CNTN4: variants seen among roughly 807,000 people sequenced by gnomAD.
The protein encoded by CNTN4 is contactin 4, also known as contactin-4.
A neutral mutation model predicts 122.5 loss-of-function variants in CNTN4; 77 were observed. The observed-to-expected ratio is 0.63, with a 90% CI of 0.52 to 0.76. The LOEUF is 0.76. Among genes scored for constraint, CNTN4 ranks in the 30% least tolerant of loss-of-function variants. The pLI is 0.00. For synonymous variants in CNTN4, 512 were observed against 447.0 expected (o/e 1.15, Z -1.83); for missense variants, 1,256 against 1,259.1 (o/e 1.00, Z 0.04).
At chr3:2,347,954 T>C (rs923662701) in intron 3 of CNTN4, among the ~76,000 whole-genome samples, 4 of 152,150 alleles carry the variant, frequency 2.6e-5, no homozygotes, top group Non-Finnish European at 5.9e-5. Flanking sequence ...TCATTAATCT[T>C]TTATTATTTT....
intron 4 of CNTN4, among the ~76,000 whole-genome samples, chr3:2,602,531 A>G (rs1006038019): frequency 1.3e-5 from 2 of 152,304 alleles, no homozygotes; most frequent in South Asian, 2.1e-4. Flanking sequence ...CCAACTTACA[A>G]GGGATGTGAA....
At chr3:2,826,356 C>G (rs2150331211) in intron 7 of CNTN4, among the ~76,000 whole-genome samples, 1 of 152,272 alleles carries the variant, frequency 6.6e-6, no homozygotes, top group South Asian at 2.1e-4. Flanking sequence ...AGCAAAACGT[C>G]TCTATATGCA....
At chr3:2,294,048 T>G (rs2042220878) in intron 2 of CNTN4, among the ~76,000 whole-genome samples, 1 of 152,208 alleles carries the variant, frequency 6.6e-6, no homozygotes, top group Admixed American at 6.5e-5. Context: ...CCATACATCT[T>G]ATCAGCCAGC....
intron 3 of CNTN4, among the ~76,000 whole-genome samples, chr3:2,542,896 C>T (rs1410751348): frequency 1.3e-5 from 2 of 152,066 alleles, no homozygotes; most frequent in Non-Finnish European, 2.9e-5. Flanking sequence ...ACTGATCATG[C>T]TTACGTTGTA....
intron 9 of CNTN4, among the ~76,000 whole-genome samples, chr3:2,886,005 C>T (rs886780598): frequency 1.2e-4 from 18 of 152,082 alleles, no homozygotes; most frequent in African/African-American, 2.4e-5. Flanking sequence ...CTGCCAGTTT[C>T]TTAACACCTG....
At chr3:2,455,317 C>T (rs945380682) in intron 3 of CNTN4, among the ~76,000 whole-genome samples, 1 of 152,024 alleles carries the variant, frequency 6.6e-6, no homozygotes, top group Admixed American at 6.6e-5. Context: ...CTGAAGGCTA[C>T]GACAAGTGTA....
At chr3:2,112,465 G>A (rs1298344762) in intron 2 of CNTN4, among the ~76,000 whole-genome samples, 1 of 152,140 alleles carries the variant, frequency 6.6e-6, no homozygotes, top group Non-Finnish European at 1.5e-5. Flanking sequence ...TAACATGCAT[G>A]TAAAAGGAGT....
chr3:2,943,614 A>T (rs151126924), intron 13 of CNTN4, among the ~76,000 whole-genome samples: 68 of 79,780 alleles, frequency 8.5e-4, no homozygotes, highest in Middle Eastern at 7.9e-3. Flanking sequence ...AAATATATTT[A>T]TATATATATA....
intron 2 of CNTN4, among the ~76,000 whole-genome samples, chr3:2,323,849 T>C (rs1209235131): frequency 6.6e-6 from 1 of 152,210 alleles, no homozygotes; most frequent in Non-Finnish European, 1.5e-5. Context: ...AGTTTAGTAC[T>C]GGGCTCTATA....
At chr3:2,945,793 A>C (rs1355294945) in intron 13 of CNTN4, among the ~76,000 whole-genome samples, 1 of 152,230 alleles carries the variant, frequency 6.6e-6, no homozygotes, top group Non-Finnish European at 1.5e-5. Context: ...AAGTTAGTAC[A>C]TGGCCATTGC....
intron 2 of CNTN4, among the ~76,000 whole-genome samples, chr3:2,187,843 A>T (rs2037347704): frequency 6.6e-6 from 1 of 152,124 alleles, no homozygotes; most frequent in Non-Finnish European, 1.5e-5. Flanking sequence ...TGCCTCTGAA[A>T]CATGGGTTTC....
At chr3:2,794,766 C>T (rs2092118376) in intron 6 of CNTN4, among the ~76,000 whole-genome samples, 1 of 152,160 alleles carries the variant, frequency 6.6e-6, no homozygotes, top group Non-Finnish European at 1.5e-5. Context: ...GTTATGGAGC[C>T]TGGGAAGTAC....
intron 4 of CNTN4, among the ~76,000 whole-genome samples, chr3:2,657,223 C>T (rs1576362128): frequency 6.6e-6 from 1 of 152,162 alleles, no homozygotes; most frequent in East Asian, 1.9e-4. Context: ...ATAAAAATGA[C>T]CTCTAGCTTC....
intron 7 of CNTN4, among the ~76,000 whole-genome samples, chr3:2,846,460 C>G (rs2093457716): frequency 1.3e-5 from 2 of 152,172 alleles, no homozygotes; most frequent in South Asian, 4.1e-4. Context: ...GATGGTGAGT[C>G]AATTAAACCT....
At chr3:2,281,544 T>A (rs1575254580) in intron 2 of CNTN4, among the ~76,000 whole-genome samples, 1 of 152,084 alleles carries the variant, frequency 6.6e-6, no homozygotes, top group Non-Finnish European at 1.5e-5. Context: ...CCTAAAGGAA[T>A]ACAGCAATTT....
chr3:2,885,954 C>A (rs1261433369), intron 9 of CNTN4, among the ~76,000 whole-genome samples: 3 of 152,114 alleles, frequency 2.0e-5, no homozygotes, highest in Admixed American at 2.0e-4. Context: ...TCACTCTTCT[C>A]GTAGGACAGC....
chr3:2,191,781 G>GC (rs1290003427), intron 2 of CNTN4, among the ~76,000 whole-genome samples: 2 of 151,888 alleles, frequency 1.3e-5, no homozygotes, highest in Non-Finnish European at 2.9e-5. Context: ...TGCACAACAT[G>GC]AGGTTTGTTA....
At chr3:2,127,569 T>TA (rs1277757662) in intron 2 of CNTN4, among the ~76,000 whole-genome samples, 1 of 151,950 alleles carries the variant, frequency 6.6e-6, no homozygotes, top group Non-Finnish European at 1.5e-5. Flanking sequence ...TTCTAAAATA[T>TA]AAAAAAAATT....
chr3:2,309,492 T>C (rs2042838609), intron 2 of CNTN4, among the ~76,000 whole-genome samples: 1 of 152,186 alleles, frequency 6.6e-6, no homozygotes, highest in South Asian at 2.1e-4. Context: ...CTGTGTTTCC[T>C]ACTTGTTTTT....
Sources: allele counts gnomAD v4.1 joint callset (sites outside exome capture counted in the v4.1 genomes callset), GRCh38; gene constraint gnomAD v4.1.1; transcripts MANE v1.5; gene names NCBI Gene and HGNC (gene_info 2026-07-23, HGNC 2026-07-21).